The following ADGRD1 variants were observed in gnomAD, a reference collection of about 807,000 sequenced individuals.
ADGRD1 encodes the protein G-protein coupled receptor 133.
A neutral mutation model predicts 113.4 loss-of-function variants in ADGRD1; 77 were observed. The ratio of observed to expected loss-of-function variants is 0.68; its 90% CI spans 0.57 to 0.82. ADGRD1 has a LOEUF of 0.82. Ranked by LOEUF, ADGRD1 falls within the 40% of genes least tolerant of loss-of-function variation. The pLI is 0.00. For synonymous variants in ADGRD1, 474 were observed against 475.0 expected (o/e 1.00, Z 0.03); for missense variants, 1,036 against 1,139.1 (o/e 0.91, Z 1.30).
At position 131,050,726 on chromosome 12, in the gene ADGRD1, C is replaced by T. The variant is rs74962723; in HGVS notation, c.1474-26075C>T. Reference sequence around the variant, plus strand: ...ACATTTTGGCACCAGGGACTGGTTTCGTGGAAGACAATTTTTGCACGGATG... The same window carrying T: ...ACATTTTGGCACCAGGGACTGGTTTTGTGGAAGACAATTTTTGCACGGATG... On this transcript the variant is annotated intron_variant, in intron 13 of 24. Transcript: ENST00000261654. This position sits in a 1 kb window ranked among gnomAD's most constrained non-coding sequence, Gnocchi z 4.8. 3.8e-3 allele frequency among the ~76,000 whole-genome samples: 573 copies of T among 152,174 alleles called. 13 individuals carry two copies. In the East Asian group the frequency reaches 0.067, roughly 18 times the overall value.
At position 130,954,591 on chromosome 12, in the gene ADGRD1, AGT is replaced by A; in HGVS notation, c.67-28_67-27del. 4.3e-6 allele frequency: 7 copies of A among 1,613,944 alleles called. No individual in the cohort carries two copies. Among genetic ancestry groups the A allele is most frequent in the Non-Finnish European group, 5.9e-6 (7 of 1,179,890 alleles). ...TTGGTTTCTCCGGAGGCTTTCCCTG[AGT>A]GTGTCTCACACTGTGGTCTTTTGTG... On this transcript the variant is annotated intron_variant, in intron 1 of 24. Transcript: ENST00000261654. This position sits in a 1 kb window ranked among gnomAD's most constrained non-coding sequence, Gnocchi z 4.7.
chr12:131,071,705 G>A (rs1017920612), intron 13 of ADGRD1, among the ~76,000 whole-genome samples: 1 of 152,232 alleles, frequency 6.6e-6, no homozygotes, highest in African/African-American at 2.4e-5. Context: ...AGGAAGGAGA[G>A]AGTGGAGACC....
chr12:131,073,943 C>T lies in ADGRD1; in HGVS notation c.1474-2858C>T, dbSNP rs1014170297. Among the ~76,000 whole-genome samples, 6 of 152,292 alleles carry T rather than the reference C, an allele frequency of 3.9e-5. No homozygotes were observed. The Middle Eastern group carries it at 0.01, about 261-fold the overall frequency. On this transcript the variant is annotated intron_variant, in intron 13 of 24. Coordinates refer to ENST00000261654, the MANE Select transcript of ADGRD1 (RefSeq NM_198827.5). The stretch of plus-strand genomic sequence containing the variant: ...GCCACTTAAAGGCCCCATCTCCCAA[C>T]ACTGCTGCGTTGGGAATTAAGGTTC...
In ADGRD1 at chr12:131,050,813, A is replaced by C. The variant is rs1883303794; in HGVS notation, c.1474-25988A>C. 2.0e-5 allele frequency among the ~76,000 whole-genome samples: 3 copies of C among 151,960 alleles called. No homozygotes were observed. The highest frequency in any genetic ancestry group is 1.5e-5 in the Non-Finnish European group (1 of 67,976). On this transcript the variant is annotated intron_variant, in intron 13 of 24. Coordinates refer to ENST00000261654, the MANE Select transcript of ADGRD1 (RefSeq NM_198827.5). The surrounding 1 kb of genome is among the most constrained non-coding windows in gnomAD (Gnocchi z 4.8). ...TCAGATCATCAGGCACTAGACTCTCATGAGGAGCTTGAAACCTAGATACCT... is the reference window on the plus strand; with the variant it reads ...TCAGATCATCAGGCACTAGACTCTCCTGAGGAGCTTGAAACCTAGATACCT...
chr12:131,127,682 G>A (rs1230595354), intron 20 of ADGRD1, among the ~76,000 whole-genome samples: 2 of 146,314 alleles, frequency 1.4e-5, no homozygotes, highest in Non-Finnish European at 3.0e-5. Context: ...CTCAGGTGAG[G>A]TGTTGATTGT....
intron 8 of ADGRD1, among the ~76,000 whole-genome samples, chr12:130,999,781 G>A (rs1178927018): frequency 6.6e-6 from 1 of 152,100 alleles, no homozygotes; most frequent in African/African-American, 2.4e-5. Flanking sequence ...TGGGCTAAGG[G>A]GTGTCCAAGA....
At chr12:131,138,351 C>G (rs1398035211) in intron 24 of ADGRD1, 122 bp downstream of exon 24, 1 of 737,638 alleles carries the variant, frequency 1.4e-6, no homozygotes, top group Non-Finnish European at 2.3e-6. Context: ...TCTTTGTCCC[C>G]CTCTCATGCC....
intron 13 of ADGRD1, chr12:131,024,224 G>T (rs2136887891): frequency 6.6e-6 from 1 of 152,514 alleles, no homozygotes; most frequent in South Asian, 2.1e-4. Flanking sequence ...CAGCCCCGCT[G>T]GCCGGGTCAC....
At chr12:131,038,442 C>T (rs982510697) in intron 13 of ADGRD1, among the ~76,000 whole-genome samples, 1 of 152,264 alleles carries the variant, frequency 6.6e-6, no homozygotes, top group African/African-American at 2.4e-5. Context: ...ACACTCCTCC[C>T]ACAAGGGAAC....
intron 4 of ADGRD1, chr12:130,978,040 C>T (rs1872533316): frequency 6.6e-6 from 1 of 152,246 alleles, no homozygotes. Context: ...CCCTGTGCTT[C>T]AGTTTTCTCC....
chr12:130,959,199 G>C (rs1210128899), intron 2 of ADGRD1, among the ~76,000 whole-genome samples: 1 of 152,200 alleles, frequency 6.6e-6, no homozygotes, highest in African/African-American at 2.4e-5. Flanking sequence ...TTTTGTTAAA[G>C]GTTCTCAGAA....
chr12:131,126,893 T>C (rs929478933), intron 20 of ADGRD1, among the ~76,000 whole-genome samples: 5 of 152,122 alleles, frequency 3.3e-5, no homozygotes, highest in African/African-American at 4.8e-5. Context: ...AAGGCATGGA[T>C]GAGGATGAGT....
At chr12:131,082,482 T>C (rs148256764) in intron 14 of ADGRD1, among the ~76,000 whole-genome samples, 1 of 152,346 alleles carries the variant, frequency 6.6e-6, no homozygotes, top group East Asian at 1.9e-4. Flanking sequence ...ATCTGAGCGA[T>C]GTGACTTTCA....
intron 13 of ADGRD1, among the ~76,000 whole-genome samples, chr12:131,062,391 G>A (rs1884403927): frequency 6.6e-6 from 1 of 152,184 alleles, no homozygotes; most frequent in Non-Finnish European, 1.5e-5. Context: ...AATTGTGGAC[G>A]GCATTTTGTG....
rs1593299823 is a variant in ADGRD1, at chr12:130,987,169, A to G, written c.565A>G (p.Ser189Gly). Reference protein sequence around the residue: ...GLKVYVNGTLSTSDPSGKVSR... With the variant: ...GLKVYVNGTLGTSDPSGKVSR... ...GAAAGTCTACGTCAACGGGACCCTG[A>G]GCACCTCTGATCCGAGTGGAAAAGT... is the stretch of plus-strand genomic sequence containing the variant. The change falls in exon 6 of 25, where the codon AGC becomes GGC. Residue 189 changes from serine to glycine, a missense_variant. Transcript: ENST00000261654. 1 of 1,614,122 alleles carries G rather than the reference A, an allele frequency of 6.2e-7. No individual in the cohort carries two copies. The highest frequency in any genetic ancestry group is 2.2e-5 in the East Asian group (1 of 44,894).
At chr12:131,018,188 G>T (rs1002212953) in intron 13 of ADGRD1, among the ~76,000 whole-genome samples, 5 of 152,072 alleles carry the variant, frequency 3.3e-5, no homozygotes, top group African/African-American at 9.7e-5. Context: ...CCGCTCTCCC[G>T]CCCAGGCAGC....
At chr12:130,963,319 C>CAAAAAAAA (rs61220467) in intron 2 of ADGRD1, among the ~76,000 whole-genome samples, 2 of 75,010 alleles carry the variant, frequency 2.7e-5, no homozygotes, top group African/African-American at 5.2e-5. Context: ...GACTCCGTCT[C>CAAAAAAAA]AAAAAAAAAA....
intron 18 of ADGRD1, among the ~76,000 whole-genome samples, chr12:131,112,186 C>G (rs567645386): frequency 1.2e-4 from 18 of 152,140 alleles, no homozygotes; most frequent in Non-Finnish European, 1.8e-4. Flanking sequence ...CATCACTCCC[C>G]AGAGGGCAGT....
chr12:131,093,259 A>G lies in ADGRD1; in HGVS notation c.1671+8596A>G, dbSNP rs543371288. On this transcript the variant is annotated intron_variant, in intron 15 of 24. Transcript: ENST00000261654. Reference sequence around the variant, plus strand: ...CTCCTGAGCTGATGCCCTGCCTCTCAGGAGGCATTTGAGGTTGTAGTTTCT... The same window carrying G: ...CTCCTGAGCTGATGCCCTGCCTCTCGGGAGGCATTTGAGGTTGTAGTTTCT... Among the ~76,000 whole-genome samples, 14 of 152,262 alleles carry G rather than the reference A, an allele frequency of 9.2e-5. No individual in the cohort carries two copies. The East Asian group carries it at 2.7e-3, about 29-fold the overall frequency.
Sources: allele counts gnomAD v4.1 joint callset (sites outside exome capture counted in the v4.1 genomes callset), GRCh38; gene constraint gnomAD v4.1.1; non-coding constraint Gnocchi (gnomAD v3.1); transcripts MANE v1.5; gene names NCBI Gene and HGNC (gene_info 2026-07-23, HGNC 2026-07-21).